The following XIRP2 variants were observed in gnomAD, a reference collection of about 807,000 sequenced individuals.
XIRP2 encodes the protein xin actin-binding repeat-containing protein 2.
Under a neutral mutation model 277.0 loss-of-function variants are expected in XIRP2, and 236 were observed. The observed-to-expected ratio is 0.85, with a 90% CI of 0.77 to 0.95. The LOEUF (loss-of-function observed/expected upper bound fraction) is 0.95, where lower values mean the gene tolerates loss of function less well. Ranked by LOEUF, XIRP2 falls within the 40% of genes least tolerant of loss-of-function variation. XIRP2 has a pLI of 0.00. For missense variants in XIRP2, 4,640 were observed against 4,157.5 expected, an observed-to-expected ratio of 1.12 and a Z score of -3.19; for synonymous variants, 1,490 against 1,416.5, an observed-to-expected ratio of 1.05 and a Z score of -1.17.
At position 166,929,421 on chromosome 2, in the gene XIRP2, T is replaced by G. The variant is rs1482482256; in HGVS notation, c.408+25531T>G. Among the ~76,000 whole-genome samples, 3 of 152,122 alleles carry G rather than the reference T, an allele frequency of 2.0e-5. No homozygotes were observed. In the East Asian group the frequency reaches 5.8e-4, roughly 29 times the overall value. Reference sequence around the variant, plus strand: ...GATTTCAGGGATTTAAATTTGTCCTTCCAAGATACCTCTGAAGAACTCTAG... The same window carrying G: ...GATTTCAGGGATTTAAATTTGTCCTGCCAAGATACCTCTGAAGAACTCTAG... On this transcript the variant is annotated intron_variant, in intron 2 of 10. Transcript: ENST00000409195.
intron 2 of XIRP2, among the ~76,000 whole-genome samples, chr2:166,944,228 G>A (rs572323551): frequency 2.1e-4 from 32 of 152,186 alleles, no homozygotes; most frequent in African/African-American, 7.7e-4. Context: ...TATTTAAAAC[G>A]TGTATTTTTA....
At chr2:167,079,212 G>A (rs1291470881) in intron 2 of XIRP2, among the ~76,000 whole-genome samples, 3 of 152,152 alleles carry the variant, frequency 2.0e-5, no homozygotes, top group Non-Finnish European at 4.4e-5. Context: ...TGAAGCCTAC[G>A]TGATTGTAGT....
Position 167,014,103 on chromosome 2 carries a change from G to A in XIRP2, c.408+110213G>A, listed in dbSNP as rs533435572. Among the ~76,000 whole-genome samples the A allele has an allele frequency of 6.6e-5, 10 of 151,556 alleles. No homozygotes were observed. In the South Asian group the frequency reaches 2.1e-3, roughly 32 times the overall value. On this transcript the variant is annotated intron_variant, in intron 2 of 10. Coordinates refer to ENST00000409195, the MANE Select transcript of XIRP2 (RefSeq NM_152381.6). ...TTGCTATTTGCATAGAAATAATGATGCTCTTATCCCCCTCTTTTTATTGGT... is the reference window on the plus strand; with the variant it reads ...TTGCTATTTGCATAGAAATAATGATACTCTTATCCCCCTCTTTTTATTGGT...
chr2:167,258,562 G>A lies in XIRP2; in HGVS notation c.*745G>A, dbSNP rs1559049463. 3 of 1,612,842 alleles carry A rather than the reference G, an allele frequency of 1.9e-6. No homozygotes were observed. Among genetic ancestry groups the A allele is most frequent in the Admixed American group, 1.7e-5 (1 of 59,812 alleles). ...TGATTGTGCAGAGTGCTGAAAAGGA[G>A]AAAAATGAAAAAACTAACCAAACTA... is the stretch of plus-strand genomic sequence containing the variant. On this transcript the variant is annotated 3_prime_UTR_variant, in exon 11 of 11. Coordinates refer to ENST00000409195, the MANE Select transcript of XIRP2 (RefSeq NM_152381.6).
intron 5 of XIRP2, among the ~76,000 whole-genome samples, 168 bp from the exon 6 acceptor site, chr2:167,239,687 G>T (rs561340283): frequency 6.6e-6 from 1 of 152,194 alleles, no homozygotes; most frequent in Non-Finnish European, 1.5e-5. Flanking sequence ...CTAAGATTAT[G>T]CCATTTTAAG....
At chr2:167,239,822 T>C (rs778343657) in intron 5 of XIRP2, 33 bp from the exon 6 acceptor site, 2 of 1,553,376 alleles carry the variant, frequency 1.3e-6, no homozygotes, top group African/African-American at 2.8e-5. Context: ...TTACTTTTCT[T>C]AAGGCATTGT....
At chr2:167,153,195 G>A (rs1386579614) in intron 3 of XIRP2, among the ~76,000 whole-genome samples, 2 of 152,000 alleles carry the variant, frequency 1.3e-5, no homozygotes, top group South Asian at 2.1e-4. Flanking sequence ...GAGTATAGGG[G>A]AGTATGCACT....
Position 167,258,940 on chromosome 2 carries a change from ACCAAG to A in XIRP2, c.*1126_*1130del, listed in dbSNP as rs1239205426. ...GCAGTCCTGTGCAGCCTGCTCCAAA[ACCAAG>A]CCTCAGCAGAGGCCTTATGGTAAAG... is the stretch of plus-strand genomic sequence containing the variant. On this transcript the variant is annotated 3_prime_UTR_variant, in exon 11 of 11. Coordinates refer to ENST00000409195, the MANE Select transcript of XIRP2 (RefSeq NM_152381.6). 1 of 1,612,944 alleles carries A rather than the reference ACCAAG, an allele frequency of 6.2e-7. No homozygotes were observed. Among genetic ancestry groups the A allele is most frequent in the Non-Finnish European group, 8.5e-7 (1 of 1,179,568 alleles).
chr2:166,971,091 TA>T (rs1686564321), intron 2 of XIRP2, among the ~76,000 whole-genome samples: 2 of 151,992 alleles, frequency 1.3e-5, no homozygotes, highest in African/African-American at 4.8e-5. Flanking sequence ...CTATTGAGAT[TA>T]TTTTTTTCCA....
intron 2 of XIRP2, among the ~76,000 whole-genome samples, chr2:166,986,451 C>T (rs890554398): frequency 2.6e-5 from 4 of 152,174 alleles, no homozygotes; most frequent in Non-Finnish European, 4.4e-5. Context: ...AATATTTACA[C>T]GTTGCGTGAC....
chr2:167,037,579 TAGC>T (rs1357792650), intron 2 of XIRP2, among the ~76,000 whole-genome samples: 3 of 150,988 alleles, frequency 2.0e-5, no homozygotes, highest in African/African-American at 4.9e-5. Flanking sequence ...TTCAACTTCT[TAGC>T]AGGAAATTTT....
intron 2 of XIRP2, among the ~76,000 whole-genome samples, chr2:167,128,149 T>C (rs1691263873): frequency 6.6e-6 from 1 of 152,226 alleles, no homozygotes; most frequent in Non-Finnish European, 1.5e-5. Context: ...TCACTACTTT[T>C]ATCCTAAAAA....
At chr2:167,092,339 C>A (rs1251911781) in intron 2 of XIRP2, among the ~76,000 whole-genome samples, 1 of 152,058 alleles carries the variant, frequency 6.6e-6, no homozygotes, top group Non-Finnish European at 1.5e-5. Context: ...TTTCCATCTG[C>A]AAGTGGTATT....
intron 2 of XIRP2, among the ~76,000 whole-genome samples, chr2:166,909,701 C>T (rs1202565060): frequency 2.0e-5 from 3 of 152,168 alleles, no homozygotes; most frequent in Non-Finnish European, 4.4e-5. Flanking sequence ...TGCCAGTTTT[C>T]AAAGGGAATG....
At chr2:166,937,562 T>C (rs1685555557) in intron 2 of XIRP2, among the ~76,000 whole-genome samples, 1 of 152,198 alleles carries the variant, frequency 6.6e-6, no homozygotes, top group South Asian at 2.1e-4. Context: ...TTCTCTTTTT[T>C]TGTTGTGTCT....
At chr2:167,035,347 G>A (rs1688481562) in intron 2 of XIRP2, among the ~76,000 whole-genome samples, 1 of 152,318 alleles carries the variant, frequency 6.6e-6, no homozygotes, top group South Asian at 2.1e-4. Flanking sequence ...TGTTGAAAAT[G>A]CTGATAGCAA....
chr2:166,980,835 G>A (rs1268118805), intron 2 of XIRP2, among the ~76,000 whole-genome samples: 2 of 151,184 alleles, frequency 1.3e-5, no homozygotes, highest in Non-Finnish European at 2.9e-5. Flanking sequence ...TTCCTATTCT[G>A]CCTTCTTTAG....
intron 3 of XIRP2, chr2:167,187,323 C>T (rs1693184874): frequency 1.0e-6 from 1 of 985,216 alleles, no homozygotes; most frequent in Admixed American, 6.2e-5. Flanking sequence ...CAAGTTGCAT[C>T]CTTTAGACGC....
At chr2:167,096,432 T>C (rs188109564) in intron 2 of XIRP2, among the ~76,000 whole-genome samples, 38 of 152,310 alleles carry the variant, frequency 2.5e-4, no homozygotes, top group African/African-American at 8.9e-4. Flanking sequence ...ATTTGATTCT[T>C]CCCTCTTTTA....
Sources: allele counts gnomAD v4.1 joint callset (sites outside exome capture counted in the v4.1 genomes callset), GRCh38; gene constraint gnomAD v4.1.1; transcripts MANE v1.5; gene names NCBI Gene and HGNC (gene_info 2026-07-23, HGNC 2026-07-21).